Variants in BPIFA3 observed in about 807,000 individuals in gnomAD.
BPIFA3 encodes BPI fold-containing family A member 3.
A neutral mutation model predicts 29.7 loss-of-function variants in BPIFA3; 32 were observed. That is an observed-to-expected ratio of 1.08 (90% confidence interval 0.81 to 1.45). The LOEUF (loss-of-function observed/expected upper bound fraction) is 1.45. Ranked by LOEUF, BPIFA3 falls within the 40% of genes most tolerant of loss-of-function variation. The pLI is 0.00. For missense variants in BPIFA3, 323 were observed against 311.3 expected (o/e 1.04, Z -0.28); for synonymous variants, 112 against 113.7 (o/e 0.98, Z 0.10).
chr20:33,223,488 T>C (rs1423511982), intron 1 of BPIFA3: 5 of 207,910 alleles, frequency 2.4e-5, no homozygotes, highest in East Asian at 2.1e-4. Context: ...TCAACCAACA[T>C]TGACTCTGAT....
chr20:33,223,925 T>G lies in BPIFA3; in HGVS notation c.242T>G (p.Ile81Ser). The G allele has an allele frequency of 6.2e-7, 1 of 1,614,150 alleles. No individual in the cohort carries two copies. The highest frequency in any genetic ancestry group is 1.3e-5 in the African/African-American group (1 of 75,040). ...QVAPGLVGWL[I>S]SGRKHQQQQE... Reference sequence around the variant, plus strand: ...GCCCCAGGGCTGGTGGGCTGGCTAATCAGCGGCAGGAAACACCAGCAGCAG... The same window carrying G: ...GCCCCAGGGCTGGTGGGCTGGCTAAGCAGCGGCAGGAAACACCAGCAGCAG... The change falls in exon 2 of 7, where the codon ATC (isoleucine) becomes AGC (serine). Residue 81 changes from isoleucine to serine, a missense_variant. Physicochemically the swap from Ile to Ser is moderately radical, Grantham distance 142. Coordinates refer to ENST00000375454, the MANE Select transcript of BPIFA3 (RefSeq NM_178466.5).
chr20:33,222,676 A>ATGAG (rs1461906962), intron 1 of BPIFA3, among the ~76,000 whole-genome samples: 1,787 of 140,394 alleles, frequency 0.013, 52 homozygotes, highest in African/African-American at 0.048. Context: ...GGATGAGTGG[A>ATGAG]TGGATGGATG....
intron 4 of BPIFA3, 45 bp downstream of exon 4, chr20:33,225,292 A>G (rs1276871865): frequency 1.2e-6 from 2 of 1,610,450 alleles, no homozygotes; most frequent in South Asian, 1.1e-5. Flanking sequence ...CTCCTTCCTG[A>G]TGAGCCCCAG....
In BPIFA3 at chr20:33,223,943, A is replaced by G. The variant is rs144223805; in HGVS notation, c.260A>G (p.Gln87Arg). The G allele has an allele frequency of 3.3e-4, 528 of 1,613,980 alleles. No individual in the cohort carries two copies. Among genetic ancestry groups the G allele is most frequent in the Non-Finnish European group, 4.3e-4 (507 of 1,179,998 alleles). Residue 87 changes from glutamine to arginine, a missense_variant, in exon 2 of 7, where the codon CAG becomes CGG. Coordinates refer to ENST00000375454, the MANE Select transcript of BPIFA3 (RefSeq NM_178466.5). ...TGGCTAATCAGCGGCAGGAAACACC[A>G]GCAGCAGCAAGAGAGCAGGTGAGAC... ...VGWLISGRKH[Q>R]QQQESSINIT... is the part of the protein sequence containing the mutation.
chr20:33,223,645 A>C (rs1448903213), intron 1 of BPIFA3, 166 bp from the exon 2 acceptor site: 4 of 718,064 alleles, frequency 5.6e-6, no homozygotes, highest in Non-Finnish European at 8.9e-6. Context: ...CTTGCAAAGC[A>C]TAATTTCATA....
At chr20:33,226,851 T>TG (rs1034554249) in intron 5 of BPIFA3, 79 bp from the exon 6 acceptor site, 1 of 1,574,748 alleles carries the variant, frequency 6.4e-7, no homozygotes, top group African/African-American at 1.3e-5. Flanking sequence ...CCCATGGAGT[T>TG]GAAGTTTCCT....
intron 1 of BPIFA3, among the ~76,000 whole-genome samples, chr20:33,222,630 G>A (rs73904637): frequency 7.1e-5 from 8 of 112,980 alleles, no homozygotes; most frequent in East Asian, 2.3e-4. Flanking sequence ...ATGGATGAGC[G>A]GATGAATGGA....
At position 33,219,809 on chromosome 20, in the gene BPIFA3, C is replaced by T. The variant is rs575697323; in HGVS notation, c.127+2146C>T. On this transcript the variant is annotated intron_variant, in intron 1 of 6. Coordinates refer to ENST00000375454, the MANE Select transcript of BPIFA3 (RefSeq NM_178466.5). ...ATGAATTTTAGAGTGTGTTGAGTTC[C>T]TTTAAAAAATTCGTCTGGCCGAGCA... 5.9e-5 allele frequency among the ~76,000 whole-genome samples: 9 copies of T among 152,286 alleles called. No homozygotes were observed. In the East Asian group the frequency reaches 1.7e-3, roughly 29 times the overall value.
Position 33,224,356 on chromosome 20 carries a change from A to G in BPIFA3, c.280A>G (p.Ile94Val). ...GGCCTCTGCTCTTTCCTTGTGCAGC[A>G]TCAACATCACCAACATTCAGCTGGA... ...RKHQQQQESS[I>V]NITNIQLDCG... The change falls in exon 3 of 7, where the codon ATC becomes GTC. Residue 94 changes from isoleucine to valine, a missense_variant and splice_region_variant. Physicochemically the swap from Ile to Val is conservative, Grantham distance 29. Transcript: ENST00000375454. 6.2e-7 allele frequency: 1 copy of G among 1,613,832 alleles called. No individual in the cohort carries two copies. The highest frequency in any genetic ancestry group is 2.2e-5 in the East Asian group (1 of 44,882).
chr20:33,218,288 G>T (rs79229265), intron 1 of BPIFA3, among the ~76,000 whole-genome samples: 434 of 152,344 alleles, frequency 2.8e-3, no homozygotes, highest in African/African-American at 0.01. Context: ...AAGGAGAGTG[G>T]TTGGGTCCTG....
At chr20:33,217,992 C>T (rs1189134381) in intron 1 of BPIFA3, among the ~76,000 whole-genome samples, 2 of 151,922 alleles carry the variant, frequency 1.3e-5, no homozygotes, top group Non-Finnish European at 2.9e-5. Flanking sequence ...TGCCTGTGTC[C>T]TTGTATGTAC....
intron 1 of BPIFA3, among the ~76,000 whole-genome samples, chr20:33,221,591 G>A (rs1002195700): frequency 3.3e-5 from 5 of 152,102 alleles, no homozygotes; most frequent in African/African-American, 1.2e-4. Context: ...TGAATTTAAC[G>A]TCTTTCTGTT....
At chr20:33,218,789 A>G (rs1985379253) in intron 1 of BPIFA3, among the ~76,000 whole-genome samples, 1 of 148,558 alleles carries the variant, frequency 6.7e-6, no homozygotes, top group South Asian at 2.1e-4. Flanking sequence ...CTATGACACT[A>G]TTTTTCTACT....
chr20:33,222,324 C>T (rs1228727851), intron 1 of BPIFA3, among the ~76,000 whole-genome samples: 3 of 152,164 alleles, frequency 2.0e-5, no homozygotes, highest in Non-Finnish European at 2.9e-5. Context: ...TGCTTCTTTC[C>T]GATAGGAGAA....
intron 3 of BPIFA3, 56 bp downstream of exon 3, chr20:33,224,518 G>T: frequency 7.1e-7 from 1 of 1,403,032 alleles, no homozygotes. Flanking sequence ...CAGGGAACCT[G>T]GGAAATTCAG....
chr20:33,221,653 C>A (rs1419739978), intron 1 of BPIFA3, among the ~76,000 whole-genome samples: 1 of 151,838 alleles, frequency 6.6e-6, no homozygotes, highest in East Asian at 1.9e-4. Flanking sequence ...TAAAACTCTG[C>A]ATAAAATCTT....
At chr20:33,225,017 C>A in intron 3 of BPIFA3, 81 bp from the exon 4 acceptor site, 1 of 1,357,582 alleles carries the variant, frequency 7.4e-7, no homozygotes, top group South Asian at 1.2e-5. Flanking sequence ...TGGACAGTGC[C>A]CGTCTTTGCC....
At chr20:33,224,260 C>T in intron 2 of BPIFA3, 95 bp from the exon 3 acceptor site, 1 of 1,046,308 alleles carries the variant, frequency 9.6e-7, no homozygotes, top group Non-Finnish European at 1.4e-6. Flanking sequence ...TTGCCAGGCC[C>T]TCTTTATAGT....
At chr20:33,224,917 A>G (rs1343229860) in intron 3 of BPIFA3, among the ~76,000 whole-genome samples, 181 bp from the exon 4 acceptor site, 2 of 151,950 alleles carry the variant, frequency 1.3e-5, no homozygotes, top group Non-Finnish European at 2.9e-5. Flanking sequence ...CACTCTGGCT[A>G]CAGCTGTTTT....
Sources: gnomAD v4.1 joint callset for allele counts (sites outside exome capture counted in the v4.1 genomes callset) on GRCh38, gnomAD v4.1.1 for gene constraint, MANE v1.5 for transcripts, NCBI Gene and HGNC (gene_info 2026-07-23, HGNC 2026-07-21) for gene names.